COL8A2: variants seen among roughly 807,000 people sequenced by gnomAD.
The protein encoded by COL8A2 is collagen alpha-2(VIII) chain.
Under a neutral mutation model 24.0 loss-of-function variants are expected in COL8A2, and 16 were observed. The ratio of observed to expected loss-of-function variants is 0.67; its 90% confidence interval spans 0.45 to 1.01. The LOEUF (loss-of-function observed/expected upper bound fraction) is 1.01. Among genes scored for constraint, COL8A2 ranks in the 50% least tolerant of loss-of-function variants. COL8A2 has a pLI of 0.00. For synonymous variants in COL8A2, 466 were observed against 424.5 expected (o/e 1.10, Z -1.20); for missense variants, 818 against 942.4 (o/e 0.87, Z 1.73).
chr1:36,100,176 CA>C lies in COL8A2; in HGVS notation c.66del (p.Cys22TrpfsTer20). 1 of 1,608,786 alleles carries C rather than the reference CA, an allele frequency of 6.2e-7. No individual in the cohort carries two copies. Among genetic ancestry groups the C allele is most frequent in the Non-Finnish European group, 8.5e-7 (1 of 1,178,076 alleles). The stretch of plus-strand genomic sequence containing the variant: ...CCGCCACCAGAGGACGCCCGCGGCC[CA>C]CACCCCAGCACCAGCACCAGTAGCA... ...LLLLLVLVLG[C>X]GPRASSGGGA... On this transcript the variant is annotated frameshift_variant, in exon 3 of 4. Transcript: ENST00000397799. LOFTEE classifies it high-confidence loss of function.
chr1:36,111,644 G>T (rs1031412729), intron 2 of COL8A2, among the ~76,000 whole-genome samples: 2 of 151,732 alleles, frequency 1.3e-5, no homozygotes, highest in African/African-American at 2.4e-5. Context: ...TCAGACTCTT[G>T]GGTTCAAGCC....
chr1:36,123,280 G>C lies in COL8A2; in HGVS notation c.-62+1777C>G, dbSNP rs1399202774. ...CCCCATCCCTGCCACTGAGAGTTCT[G>C]GAGCGGGCTGGGGGGCCAGCAGGGC... On this transcript the variant is annotated intron_variant, in intron 1 of 3. Coordinates refer to ENST00000397799, the MANE Select transcript of COL8A2 (RefSeq NM_005202.4). The surrounding 1 kb of genome is among the most constrained non-coding windows in gnomAD (Gnocchi z 4.1). Among the ~76,000 whole-genome samples the C allele has an allele frequency of 2.0e-5, 3 of 152,244 alleles. No individual in the cohort carries two copies. The highest frequency in any genetic ancestry group is 2.9e-5 in the Non-Finnish European group (2 of 68,044).
intron 3 of COL8A2, 95 bp downstream of exon 3, chr1:36,099,955 G>C: frequency 8.3e-7 from 1 of 1,198,018 alleles, no homozygotes; most frequent in East Asian, 2.4e-5. Flanking sequence ...ATGAGGAGCT[G>C]TGGAGGGCGC....
At chr1:36,118,967 G>T (rs549128830) in intron 1 of COL8A2, among the ~76,000 whole-genome samples, 12 of 152,286 alleles carry the variant, frequency 7.9e-5, no homozygotes, top group African/African-American at 2.9e-4. Context: ...GCTCTTACTA[G>T]CATGAGACCT....
chr1:36,104,969 G>T (rs1008670196), intron 2 of COL8A2, among the ~76,000 whole-genome samples: 1 of 152,008 alleles, frequency 6.6e-6, no homozygotes, highest in Non-Finnish European at 1.5e-5. Flanking sequence ...ACTTCCCCTC[G>T]AATCCCTGCT....
In COL8A2 at chr1:36,125,096, G is replaced by T; in HGVS notation, c.-101C>A. The T allele has an allele frequency of 1.0e-6, 1 of 975,796 alleles. No homozygotes were observed. Among genetic ancestry groups the T allele is most frequent in the Non-Finnish European group, 1.2e-6 (1 of 823,190 alleles). 60.4% of individuals were successfully genotyped at this position (975,796 alleles called of 1,614,324 possible). Reference sequence around the variant, plus strand: ...GCCGGGCGCCGCTCCCGGCCCTCGAGGGCGGCCCGGGCGGCGAGGGCTCCG... The same window carrying T: ...GCCGGGCGCCGCTCCCGGCCCTCGATGGCGGCCCGGGCGGCGAGGGCTCCG... On this transcript the variant is annotated 5_prime_UTR_variant, in exon 1 of 4. Coordinates refer to ENST00000397799, the MANE Select transcript of COL8A2 (RefSeq NM_005202.4). This position sits in a 1 kb window ranked among gnomAD's most constrained non-coding sequence, Gnocchi z 4.5.
chr1:36,120,747 C>CAAAA (rs34157391), intron 1 of COL8A2, among the ~76,000 whole-genome samples: 1 of 98,170 alleles, frequency 1.0e-5, no homozygotes, highest in African/African-American at 3.9e-5. Context: ...GACTCCGTCT[C>CAAAA]AAAAAAAAAA....
At chr1:36,099,887 G>A (rs764743179) in intron 3 of COL8A2, among the ~76,000 whole-genome samples, 163 bp downstream of exon 3, 19 of 152,168 alleles carry the variant, frequency 1.2e-4, no homozygotes, top group African/African-American at 3.1e-4. Context: ...TAACTGCACC[G>A]TTTCCAGGCC....
intron 2 of COL8A2, among the ~76,000 whole-genome samples, chr1:36,101,137 G>C (rs1002130046): frequency 3.3e-5 from 5 of 151,866 alleles, no homozygotes; most frequent in Non-Finnish European, 7.4e-5. Flanking sequence ...CAGGTGATCC[G>C]GCTGCCTCAG....
chr1:36,113,164 G>A (rs891879386), intron 2 of COL8A2, among the ~76,000 whole-genome samples: 3 of 152,200 alleles, frequency 2.0e-5, no homozygotes, highest in Admixed American at 6.5e-5. Context: ...CCAGCTCAAC[G>A]CAGGAGCCAC....
chr1:36,103,067 C>T (rs929798341), intron 2 of COL8A2, among the ~76,000 whole-genome samples: 3 of 152,128 alleles, frequency 2.0e-5, no homozygotes, highest in South Asian at 2.1e-4. Context: ...ACTGCAGCCT[C>T]GGCCTCCCGG....
At chr1:36,113,549 G>A (rs1570050037) in intron 2 of COL8A2, among the ~76,000 whole-genome samples, 1 of 152,352 alleles carries the variant, frequency 6.6e-6, no homozygotes, top group East Asian at 1.9e-4. Context: ...TTGGCGGGGG[G>A]TCCAGTGCCC....
At chr1:36,118,356 C>G (rs190693152) in intron 1 of COL8A2, among the ~76,000 whole-genome samples, 24 of 152,312 alleles carry the variant, frequency 1.6e-4, no homozygotes, top group African/African-American at 2.9e-4. Flanking sequence ...CTGCTCTACC[C>G]CACCTGTGCT....
In COL8A2 at chr1:36,098,426, G is replaced by T; in HGVS notation, c.1255C>A (p.Pro419Thr). 1 of 1,583,128 alleles carries T rather than the reference G, an allele frequency of 6.3e-7. No homozygotes were observed. The highest frequency in any genetic ancestry group is 8.6e-7 in the Non-Finnish European group (1 of 1,165,158). ...CCCTTGGGCCCAGTTGGTCCAGGGG[G>T]TCCATGGGCCCCAGGAAGTCCCCTC... ...GERGLPGAHG[P>T]PGPTGPKGEP... Residue 419 changes from proline to threonine, a missense_variant, in exon 4 of 4, where the codon CCC becomes ACC. Around this residue, in one of 3 missense-constraint regions of COL8A2, gnomAD observed 573 missense variants for 616.8 expected, o/e 0.93. Coordinates refer to ENST00000397799, the MANE Select transcript of COL8A2 (RefSeq NM_005202.4).
Position 36,099,262 on chromosome 1 carries a change from G to A in COL8A2, c.419C>T (p.Pro140Leu), listed in dbSNP as rs771051268. The A allele has an allele frequency of 7.7e-6, 12 of 1,550,004 alleles. No homozygotes were observed. The highest frequency in any genetic ancestry group is 2.7e-5 in the African/African-American group (2 of 73,088). Residue 140 changes from proline to leucine, a missense_variant, in exon 4 of 4, where the codon CCG becomes CTG. By Grantham distance (98) the Pro-to-Leu change is moderately conservative. Coordinates refer to ENST00000397799, the MANE Select transcript of COL8A2 (RefSeq NM_005202.4). ...TATTCCTGGCTCCCCCCGAAGCCCC[G>A]GCTGCCCTGGTGGCCCGACCTTGCC... is the stretch of plus-strand genomic sequence containing the variant. ...LPGKVGPPGQ[P>L]GLRGEPGIRG... is the part of the protein sequence containing the mutation.
chr1:36,099,557 C>T (rs939171605), intron 3 of COL8A2, 70 bp from the exon 4 acceptor site: 96 of 1,120,108 alleles, frequency 8.6e-5, no homozygotes, highest in Non-Finnish European at 1.2e-4. Flanking sequence ...TCTACCCATT[C>T]CCCCATTCCA....
rs1387279598 is a variant in COL8A2, at chr1:36,096,901, G to A, written c.*668C>T. ...CTCCTGCCCCAGGTCTGTGCCCCAA[G>A]CCCTCACAAACTGCCTTCCCCATGG... On this transcript the variant is annotated 3_prime_UTR_variant, in exon 4 of 4. Coordinates refer to ENST00000397799, the MANE Select transcript of COL8A2 (RefSeq NM_005202.4). 6.5e-6 allele frequency: 1 copy of A among 153,100 alleles called. No individual in the cohort carries two copies. The highest frequency in any genetic ancestry group is 6.5e-5 in the Admixed American group (1 of 15,376). The allele number at this position is 153,100 out of a possible 1,614,324, so 9.5% of individuals were successfully genotyped here. A position where few individuals can be genotyped will look rare whatever the true frequency, so the allele number is the denominator to read the frequency against.
At position 36,097,710 on chromosome 1, in the gene COL8A2, G is replaced by A; in HGVS notation, c.1971C>T (p.Asp657=). The A allele has an allele frequency of 1.2e-6, 2 of 1,613,668 alleles. No individual in the cohort carries two copies. The highest frequency in any genetic ancestry group is 1.7e-6 in the Non-Finnish European group (2 of 1,180,026). ...TYDEYKKGYL[D]QASGGAVLQL... The stretch of plus-strand genomic sequence containing the variant: ...GGAGCACGGCCCCACCAGATGCCTG[G>A]TCCAGGTAGCCCTTCTTGTACTCAT... Residue 657 remains aspartate (D), a synonymous_variant, in exon 4 of 4, where the codon GAC becomes GAT. Transcript: ENST00000397799.
chr1:36,104,099 CAGG>C (rs900314923), intron 2 of COL8A2, among the ~76,000 whole-genome samples: 1 of 152,012 alleles, frequency 6.6e-6, no homozygotes, highest in Non-Finnish European at 1.5e-5. Flanking sequence ...GGGGCTGCGG[CAGG>C]AGAATTGCTT....
Sources: allele counts gnomAD v4.1 joint callset (sites outside exome capture counted in the v4.1 genomes callset), GRCh38; gene constraint gnomAD v4.1.1; regional missense constraint gnomAD v4.1.1; non-coding constraint Gnocchi (gnomAD v3.1); transcripts MANE v1.5; gene names NCBI Gene and HGNC (gene_info 2026-07-23, HGNC 2026-07-21).